The following SLC2A9 variants were observed in gnomAD, a reference collection of about 807,000 sequenced individuals.
The protein encoded by SLC2A9 is solute carrier family 2 member 9.
A neutral mutation model predicts 50.6 loss-of-function variants in SLC2A9; 39 were observed. The observed-to-expected ratio is 0.77, with a 90% confidence interval of 0.60 to 1.01. The LOEUF (loss-of-function observed/expected upper bound fraction) is 1.01. SLC2A9 is among the 50% of genes least tolerant of loss of function. SLC2A9 has a pLI of 0.00. For missense variants in SLC2A9, 686 were observed against 677.6 expected, an observed-to-expected ratio of 1.01 and a Z score of -0.14; for synonymous variants, 324 against 276.9, an observed-to-expected ratio of 1.17 and a Z score of -1.69.
intron 7 of SLC2A9, among the ~76,000 whole-genome samples, chr4:9,913,094 T>C (rs1028550979): frequency 2.0e-5 from 3 of 152,202 alleles, no homozygotes; most frequent in East Asian, 1.9e-4. Flanking sequence ...CCAGAAGGAA[T>C]GTGGCCTTGC....
intron 3 of SLC2A9, among the ~76,000 whole-genome samples, chr4:9,789,021 A>G (rs1196394193): frequency 6.6e-6 from 1 of 152,222 alleles, no homozygotes; most frequent in Non-Finnish European, 1.5e-5. Flanking sequence ...GGATACATGT[A>G]TATACATGCA....
chr4:9,841,436 T>C (rs1728070975), intron 10 of SLC2A9, among the ~76,000 whole-genome samples: 1 of 152,192 alleles, frequency 6.6e-6, no homozygotes, highest in East Asian at 1.9e-4. Context: ...CCCTGTGCAT[T>C]GTCCTCCATT....
intron 5 of SLC2A9, among the ~76,000 whole-genome samples, chr4:9,958,218 C>G (rs1040349784): frequency 2.6e-5 from 4 of 152,140 alleles, no homozygotes. Flanking sequence ...CATTTTTAGA[C>G]ATGGAAAGTC....
intron 5 of SLC2A9, among the ~76,000 whole-genome samples, chr4:9,951,208 G>A (rs1040196302): frequency 2.6e-5 from 4 of 152,146 alleles, no homozygotes; most frequent in African/African-American, 9.7e-5. Flanking sequence ...GAATTGGGGG[G>A]CATTAACTAA....
chr4:9,783,532 C>T, intron 3 of SLC2A9: 1 of 1,391,722 alleles, frequency 7.2e-7, no homozygotes, highest in Non-Finnish European at 9.8e-7. Flanking sequence ...CACACACACG[C>T]AAATACATGC....
intron 10 of SLC2A9, among the ~76,000 whole-genome samples, chr4:9,860,939 T>G (rs539469169): frequency 6.6e-6 from 1 of 152,308 alleles, no homozygotes; most frequent in South Asian, 2.1e-4. Flanking sequence ...CCTTCTTGTC[T>G]CCTGATCTCT....
At chr4:10,018,085 C>T (rs1035513221) in intron 2 of SLC2A9, among the ~76,000 whole-genome samples, 1 of 152,356 alleles carries the variant, frequency 6.6e-6, no homozygotes, top group South Asian at 2.1e-4. Flanking sequence ...AGCATCTAAA[C>T]CTTACAGCCT....
chr4:9,959,909 C>T (rs1172315748), intron 5 of SLC2A9, among the ~76,000 whole-genome samples: 2 of 152,128 alleles, frequency 1.3e-5, no homozygotes, highest in Non-Finnish European at 2.9e-5. Context: ...CATTCAGGGT[C>T]CGACTTGACT....
chr4:9,985,441 C>G (rs1756543053), intron 4 of SLC2A9, among the ~76,000 whole-genome samples: 1 of 152,160 alleles, frequency 6.6e-6, no homozygotes, highest in Non-Finnish European at 1.5e-5. Flanking sequence ...TTGGGGTAGA[C>G]TGCGGACCCT....
At chr4:9,957,726 G>A (rs572746203) in intron 5 of SLC2A9, among the ~76,000 whole-genome samples, 4 of 152,218 alleles carry the variant, frequency 2.6e-5, no homozygotes, top group South Asian at 4.1e-4. Context: ...GTTGGAAGAT[G>A]GATTTGAGAA....
chr4:9,865,810 G>C (rs1253408978), intron 10 of SLC2A9, among the ~76,000 whole-genome samples: 1 of 148,950 alleles, frequency 6.7e-6, no homozygotes, highest in African/African-American at 2.5e-5. Context: ...TTGTTAGACG[G>C]TCTTTGAAGA....
chr4:9,894,910 A>T (rs569100572), intron 8 of SLC2A9, among the ~76,000 whole-genome samples: 8 of 152,330 alleles, frequency 5.3e-5, no homozygotes, highest in African/African-American at 1.9e-4. Context: ...AGATCAGCAC[A>T]TGTTACATTG....
At chr4:9,782,738 C>T (rs1718639673) in intron 3 of SLC2A9, 1 of 1,614,028 alleles carries the variant, frequency 6.2e-7, no homozygotes, top group Non-Finnish European at 8.5e-7. Flanking sequence ...CTTCTACATC[C>T]CCGTTGCCAT....
chr4:9,918,940 G>C (rs1216939605), intron 7 of SLC2A9, among the ~76,000 whole-genome samples: 2 of 152,184 alleles, frequency 1.3e-5, no homozygotes, highest in African/African-American at 4.8e-5. Context: ...TTTTCAACAG[G>C]TGCTTAGTCA....
intron 3 of SLC2A9, among the ~76,000 whole-genome samples, chr4:9,992,490 C>T (rs1757882159): frequency 6.6e-6 from 1 of 152,198 alleles, no homozygotes; most frequent in Non-Finnish European, 1.5e-5. Flanking sequence ...TGTCAAATGT[C>T]CCCTGATGAG....
At chr4:9,774,358 C>A (rs145608721) in intron 1 of SLC2A9, among the ~76,000 whole-genome samples, 1 of 152,296 alleles carries the variant, frequency 6.6e-6, no homozygotes, top group East Asian at 1.9e-4. Flanking sequence ...AAAAATGTAT[C>A]CTTTCACACG....
chr4:9,955,398 G>A lies in SLC2A9; in HGVS notation c.682-13353C>T, dbSNP rs1390246204. Among the ~76,000 whole-genome samples the A allele has an allele frequency of 3.4e-5, 3 of 88,380 alleles. 1 individual carries two copies. Among genetic ancestry groups the A allele is most frequent in the Non-Finnish European group, 2.2e-5 (1 of 45,348 alleles). The allele number at this position is 88,380 out of a possible 152,430, so 58.0% of individuals were successfully genotyped here. A position where few individuals can be genotyped will look rare whatever the true frequency, so the allele number is the denominator to read the frequency against. ...TAGTCCCAGCTACTGGGGAGGCTGA[G>A]GCAGGAGAATGGCGTGAACCCGGGA... On this transcript the variant is annotated intron_variant, in intron 5 of 11. Coordinates refer to ENST00000264784, the MANE Select transcript of SLC2A9 (RefSeq NM_020041.3).
At chr4:9,785,388 G>T (rs113685863) in intron 3 of SLC2A9, among the ~76,000 whole-genome samples, 1 of 152,182 alleles carries the variant, frequency 6.6e-6, no homozygotes, top group Non-Finnish European at 1.5e-5. Flanking sequence ...TCCTCCAGTG[G>T]GAGAAGATTC....
chr4:9,944,034 G>C (rs1275985490), intron 5 of SLC2A9, among the ~76,000 whole-genome samples: 1 of 152,264 alleles, frequency 6.6e-6, no homozygotes, highest in African/African-American at 2.4e-5. Context: ...TATCGTCACA[G>C]TGGGAGCACT....
Sources: allele counts gnomAD v4.1 joint callset (sites outside exome capture counted in the v4.1 genomes callset), GRCh38; gene constraint gnomAD v4.1.1; transcripts MANE v1.5; gene names NCBI Gene and HGNC (gene_info 2026-07-23, HGNC 2026-07-21).